The following PCDHGA6 variants were observed in gnomAD, a reference collection of about 807,000 sequenced individuals.
PCDHGA6 encodes protocadherin gamma subfamily A, 6, also known as protocadherin gamma-A6.
In PCDHGA6, 41 loss-of-function variants were observed where a neutral mutation model predicts 60.6. The observed-to-expected ratio is 0.68, with a 90% CI of 0.53 to 0.88. PCDHGA6 has a LOEUF of 0.88. Ranked by LOEUF, PCDHGA6 falls within the 40% of genes least tolerant of loss-of-function variation. The pLI is 0.00. For synonymous variants in PCDHGA6, 594 were observed against 524.4 expected, an observed-to-expected ratio of 1.13 and a Z score of -1.81; for missense variants, 1,312 against 1,203.0, an observed-to-expected ratio of 1.09 and a Z score of -1.34.
intron 1 of PCDHGA6, chr5:141,398,812 C>T (rs1255452758): frequency 1.9e-6 from 3 of 1,613,824 alleles, no homozygotes; most frequent in Admixed American, 3.3e-5. Context: ...CACTGAGCTC[C>T]GGATCCAGGT....
chr5:141,477,475 C>A lies in PCDHGA6; in HGVS notation c.2425-17332C>A. ...TTCAAGTGTCCGACATCAATGACAA[C>A]CCTCCACAATCTTCTCAATCTTCCT... On this transcript the variant is annotated intron_variant, in intron 1 of 3. Coordinates refer to ENST00000517434, the MANE Select transcript of PCDHGA6 (RefSeq NM_018919.3). The surrounding 1 kb of genome is among the most constrained non-coding windows in gnomAD (Gnocchi z 4.9). The A allele has an allele frequency of 3.1e-6, 5 of 1,614,124 alleles. No homozygotes were observed. The highest frequency in any genetic ancestry group is 4.2e-6 in the Non-Finnish European group (5 of 1,180,030).
rs1594951324 is a variant in PCDHGA6, at chr5:141,490,871, T to G, written c.2425-3936T>G. 6.2e-7 allele frequency: 1 copy of G among 1,613,918 alleles called. No individual in the cohort carries two copies. The highest frequency in any genetic ancestry group is 8.5e-7 in the Non-Finnish European group (1 of 1,179,944). On this transcript the variant is annotated intron_variant, in intron 1 of 3. Coordinates refer to ENST00000517434, the MANE Select transcript of PCDHGA6 (RefSeq NM_018919.3). This position sits in a 1 kb window ranked among gnomAD's most constrained non-coding sequence, Gnocchi z 5.4. ...GTTCGAGACTCCGGCTCTCCCCCAT[T>G]GCATGCCAACACATCTCTGCATGTG...
Position 141,511,628 on chromosome 5 carries a change from G to C in PCDHGA6, c.*455G>C, listed in dbSNP as rs4912608. 0.2 allele frequency: 46,780 copies of C among 231,598 alleles called. 5,185 individuals are homozygous for C. The highest frequency in any genetic ancestry group is 0.32 in the Admixed American group (6,204 of 19,590). The allele number at this position is 231,598 out of a possible 1,614,324, so 14.3% of individuals were successfully genotyped here. A position where few individuals can be genotyped will look rare whatever the true frequency, so the allele number is the denominator to read the frequency against. On this transcript the variant is annotated 3_prime_UTR_variant, in exon 4 of 4. Transcript: ENST00000517434. ...CAAGCCTCCTAGTTCTGAAAAGTTG[G>C]AAGGGCATCATGACCTCTTGGCCTC...
At chr5:141,474,965 A>G (rs1268347441) in intron 1 of PCDHGA6, among the ~76,000 whole-genome samples, 1 of 152,236 alleles carries the variant, frequency 6.6e-6, no homozygotes, top group Non-Finnish European at 1.5e-5. Context: ...TATCCTAATC[A>G]TTATAATTTT....
chr5:141,405,435 T>C, intron 1 of PCDHGA6: 1 of 1,463,324 alleles, frequency 6.8e-7, no homozygotes, highest in Non-Finnish European at 9.3e-7. Context: ...TTGTTTTGTT[T>C]TTGAGACAGA....
rs766038218 is a variant in PCDHGA6 at position 141,398,581 on chromosome 5, T to C, written c.2424+22074T>C. The stretch of plus-strand genomic sequence containing the variant: ...TGAGTCTGCACAGCCTGGCACAAGA[T>C]TTATACTAGAAGTAGCAGAAGATGC... On this transcript the variant is annotated intron_variant, in intron 1 of 3. Transcript: ENST00000517434. The C allele has an allele frequency of 1.2e-5, 20 of 1,614,028 alleles. No individual in the cohort carries two copies. In the Admixed American group the frequency reaches 2.2e-4, roughly 17 times the overall value.
Position 141,418,737 on chromosome 5 carries a change from C to T in PCDHGA6, c.2424+42230C>T, listed in dbSNP as rs768683069. 7.4e-6 allele frequency: 12 copies of T among 1,613,960 alleles called. No homozygotes were observed. The South Asian group carries it at 1.3e-4, about 18-fold the overall frequency. ...GCTGACAAAGCTCAGCACGTGTTCT[C>T]TCTGGATTACACTACAGGAAACATT... On this transcript the variant is annotated intron_variant, in intron 1 of 3. Coordinates refer to ENST00000517434, the MANE Select transcript of PCDHGA6 (RefSeq NM_018919.3).
rs911465424 is a variant in PCDHGA6 at position 141,449,724 on chromosome 5, AT to A, written c.2425-45076del. ...AAACACATTATTTTTATATGATATG[AT>A]TTTTTTATGACATGATTATTTTTAT... On this transcript the variant is annotated intron_variant, in intron 1 of 3. Coordinates refer to ENST00000517434, the MANE Select transcript of PCDHGA6 (RefSeq NM_018919.3). 1.2e-4 allele frequency among the ~76,000 whole-genome samples: 18 copies of A among 151,282 alleles called. No homozygotes were observed. The South Asian group carries it at 1.9e-3, about 16-fold the overall frequency.
intron 1 of PCDHGA6, chr5:141,393,595 T>C: frequency 6.2e-7 from 1 of 1,613,866 alleles, no homozygotes; most frequent in Non-Finnish European, 8.5e-7. Context: ...GGCACGCGGC[T>C]GCTTACTGTA....
chr5:141,400,473 G>T (rs1196529035), intron 1 of PCDHGA6: 1 of 1,613,946 alleles, frequency 6.2e-7, no homozygotes, highest in Non-Finnish European at 8.5e-7. Context: ...ATTCATCTGG[G>T]GCCTTATTTC....
chr5:141,430,837 C>T (rs1350348914), intron 1 of PCDHGA6: 4 of 1,559,956 alleles, frequency 2.6e-6, no homozygotes, highest in South Asian at 2.5e-5. Context: ...TGTGGGAGAC[C>T]GGATGCACCC....
chr5:141,512,942 C>T lies in PCDHGA6; in HGVS notation c.*1769C>T, dbSNP rs1596321854. 3.3e-5 allele frequency: 5 copies of T among 151,644 alleles called. No individual in the cohort carries two copies. The South Asian group carries it at 1.0e-3, about 32-fold the overall frequency. The allele number at this position is 151,644 out of a possible 1,614,324, so 9.4% of individuals were successfully genotyped here. On this transcript the variant is annotated 3_prime_UTR_variant, in exon 4 of 4. Transcript: ENST00000517434. Reference sequence around the variant, plus strand: ...TAATATTTATATGGCTTTTTTTCTTCGACAAAAAAATAATAAAACGTTTCT... The same window carrying T: ...TAATATTTATATGGCTTTTTTTCTTTGACAAAAAAATAATAAAACGTTTCT...
intron 1 of PCDHGA6, chr5:141,377,572 G>A (rs1046181930): frequency 4.6e-5 from 7 of 151,346 alleles, no homozygotes; most frequent in Admixed American, 1.3e-4. Context: ...CCCTAGCCTG[G>A]GAGACAGAAT....
At chr5:141,410,254 C>G in intron 1 of PCDHGA6, 1 of 1,614,020 alleles carries the variant, frequency 6.2e-7, no homozygotes, top group Non-Finnish European at 8.5e-7. Flanking sequence ...TCTCTGACCC[C>G]CAGGCTGAAC....
At chr5:141,382,467 A>G (rs992224398) in intron 1 of PCDHGA6, among the ~76,000 whole-genome samples, 1 of 152,262 alleles carries the variant, frequency 6.6e-6, no homozygotes, top group Non-Finnish European at 1.5e-5. Flanking sequence ...TTTTTTAAAA[A>G]TTATCTAAGA....
chr5:141,384,622 A>G (rs1360248889), intron 1 of PCDHGA6: 1 of 1,614,218 alleles, frequency 6.2e-7, no homozygotes, highest in East Asian at 2.2e-5. Context: ...TTCTACTGGC[A>G]TGGAGCTGGC....
chr5:141,376,202 T>C lies in PCDHGA6; in HGVS notation c.2119T>C (p.Phe707Leu). 6 of 1,614,174 alleles carry C rather than the reference T, an allele frequency of 3.7e-6. No homozygotes were observed. The highest frequency in any genetic ancestry group is 4.2e-6 in the Non-Finnish European group (5 of 1,180,026). The change falls in exon 1 of 4, where the codon TTC (phenylalanine) becomes CTC (leucine). Residue 707 changes from phenylalanine (F) to leucine (L), a missense_variant. Phe to Leu is a conservative substitution (Grantham distance 22). Coordinates refer to ENST00000517434, the MANE Select transcript of PCDHGA6 (RefSeq NM_018919.3). ...VAAVSCVFLA[F>L]VIVLLALRLQ... ...CGCGGTCTCCTGCGTCTTCCTGGCC[T>C]TCGTCATCGTGCTGCTGGCGCTCAG... is the stretch of plus-strand genomic sequence containing the variant.
At chr5:141,426,898 C>T (rs1246109323) in intron 1 of PCDHGA6, 1 of 456,634 alleles carries the variant, frequency 2.2e-6, no homozygotes, top group African/African-American at 2.0e-5. Flanking sequence ...CAACAGAGCT[C>T]TCATCTCCTG....
Position 141,485,428 on chromosome 5 carries a change from C to T in PCDHGA6, c.2425-9379C>T, listed in dbSNP as rs2099613200. Reference sequence around the variant, plus strand: ...TGGATTTGGACAGCGGAGCCCTGCTCATCAAGAACCCAATCGACCGAGAGG... The same window carrying T: ...TGGATTTGGACAGCGGAGCCCTGCTTATCAAGAACCCAATCGACCGAGAGG... On this transcript the variant is annotated intron_variant, in intron 1 of 3. Transcript: ENST00000517434. The surrounding 1 kb of genome is among the most constrained non-coding windows in gnomAD (Gnocchi z 5.7). The T allele has an allele frequency of 2.5e-6, 4 of 1,614,160 alleles. No homozygotes were observed. The highest frequency in any genetic ancestry group is 3.4e-6 in the Non-Finnish European group (4 of 1,180,022).
Sources: gnomAD v4.1 joint callset for allele counts (sites outside exome capture counted in the v4.1 genomes callset) on GRCh38, gnomAD v4.1.1 for gene constraint, Gnocchi (gnomAD v3.1) non-coding constraint, MANE v1.5 for transcripts, NCBI Gene and HGNC (gene_info 2026-07-23, HGNC 2026-07-21) for gene names.